The following NAV2 variants were observed in gnomAD, a reference collection of about 807,000 sequenced individuals.
The protein encoded by NAV2 is helicase, APC down-regulated 1.
Under a neutral mutation model 223.2 loss-of-function variants are expected in NAV2, and 54 were observed. The observed-to-expected ratio is 0.24, with a 90% confidence interval of 0.19 to 0.30. The LOEUF is 0.30. Ranked by LOEUF, NAV2 falls within the 10% of genes least tolerant of loss-of-function variation. The pLI is 1.00. For missense variants in NAV2, 2,806 were observed against 3,147.5 expected, an observed-to-expected ratio of 0.89 and a Z score of 2.60; for synonymous variants, 1,279 against 1,239.3, an observed-to-expected ratio of 1.03 and a Z score of -0.67.
At chr11:19,384,650 T>A (rs899875964) in intron 1 of NAV2, 17 of 152,408 alleles carry the variant, frequency 1.1e-4, no homozygotes, top group African/African-American at 3.8e-4. Flanking sequence ...CTGTCATGGA[T>A]AGGACCATGT....
chr11:19,862,484 C>G (rs1565450109), intron 3 of NAV2, among the ~76,000 whole-genome samples: 1 of 152,182 alleles, frequency 6.6e-6, no homozygotes, highest in East Asian at 1.9e-4. Flanking sequence ...AGTCACGGAG[C>G]CCCTCTTATG....
intron 1 of NAV2, among the ~76,000 whole-genome samples, chr11:19,613,370 C>T (rs1393249998): frequency 6.6e-6 from 1 of 152,168 alleles, no homozygotes; most frequent in Non-Finnish European, 1.5e-5. Flanking sequence ...TATTATCATT[C>T]TAAATATGCT....
At chr11:19,538,202 C>T (rs10500854) in intron 1 of NAV2, among the ~76,000 whole-genome samples, 17,714 of 152,210 alleles carry the variant, frequency 0.12, 1,152 homozygotes, top group African/African-American at 0.16. Flanking sequence ...GGTCCAATAA[C>T]GCAGCCAAGC....
At chr11:20,070,524 A>G (rs1564981688) in intron 22 of NAV2, among the ~76,000 whole-genome samples, 1 of 152,130 alleles carries the variant, frequency 6.6e-6, no homozygotes, top group African/African-American at 2.4e-5. Context: ...TTATTCCAGA[A>G]GAGTGTTTTG....
intron 1 of NAV2, among the ~76,000 whole-genome samples, chr11:19,718,110 G>T (rs1241406889): frequency 8.5e-6 from 1 of 117,068 alleles, no homozygotes; most frequent in African/African-American, 3.3e-5. Flanking sequence ...CACCTCCCCT[G>T]AATTACCTTC....
intron 1 of NAV2, among the ~76,000 whole-genome samples, chr11:19,671,989 C>A (rs1435794675): frequency 6.6e-6 from 1 of 152,186 alleles, no homozygotes; most frequent in Non-Finnish European, 1.5e-5. Flanking sequence ...CAGGCCATTA[C>A]AATAGTGATG....
chr11:19,628,275 T>A (rs1038467992), intron 1 of NAV2, among the ~76,000 whole-genome samples: 2 of 152,168 alleles, frequency 1.3e-5, no homozygotes, highest in African/African-American at 4.8e-5. Flanking sequence ...AGGGAGAATG[T>A]TCCTGGGTGA....
chr11:19,455,688 G>A (rs1306387905), intron 1 of NAV2, among the ~76,000 whole-genome samples: 1 of 152,198 alleles, frequency 6.6e-6, no homozygotes, highest in Non-Finnish European at 1.5e-5. Context: ...CCCAGAGCTA[G>A]GAAGTGGAGG....
chr11:19,728,728 G>A (rs1204919071), intron 1 of NAV2, among the ~76,000 whole-genome samples: 1 of 152,210 alleles, frequency 6.6e-6, no homozygotes, highest in Non-Finnish European at 1.5e-5. Context: ...GTTACATCTT[G>A]GGTGTGAGTA....
intron 1 of NAV2, among the ~76,000 whole-genome samples, chr11:19,594,203 G>A (rs773225526): frequency 6.6e-6 from 1 of 152,118 alleles, no homozygotes; most frequent in East Asian, 1.9e-4. Context: ...GGAGCTGAAA[G>A]TGAAGGCCAG....
At chr11:19,749,260 A>G (rs1019519052) in intron 1 of NAV2, among the ~76,000 whole-genome samples, 1 of 152,176 alleles carries the variant, frequency 6.6e-6, no homozygotes, top group Non-Finnish European at 1.5e-5. Context: ...TGCGCCTTCA[A>G]GATGCTGAAA....
chr11:19,429,096 G>A (rs918756008), intron 1 of NAV2, among the ~76,000 whole-genome samples: 2 of 152,226 alleles, frequency 1.3e-5, no homozygotes, highest in South Asian at 4.1e-4. Context: ...TAAGCCCTCT[G>A]TGAAGCCTTT....
rs1262490764 is a variant in NAV2 at position 19,774,957 on chromosome 11, A to G, written c.268-57527A>G. On this transcript the variant is annotated intron_variant, in intron 1 of 37. Transcript: ENST00000349880. ...AGATCGTAAATGTTGTGGCTATCCTAGAAAGTATAATGAACCTAATGATGT... is the reference window on the plus strand; with the variant it reads ...AGATCGTAAATGTTGTGGCTATCCTGGAAAGTATAATGAACCTAATGATGT... 2.0e-5 allele frequency among the ~76,000 whole-genome samples: 3 copies of G among 152,144 alleles called. No homozygotes were observed. The South Asian group carries it at 6.2e-4, about 32-fold the overall frequency.
intron 22 of NAV2, among the ~76,000 whole-genome samples, chr11:20,076,989 C>T (rs559415428): frequency 1.3e-5 from 2 of 151,968 alleles, no homozygotes; most frequent in African/African-American, 2.4e-5. Context: ...TTTTATTAAC[C>T]AGGATTATAA....
intron 35 of NAV2, among the ~76,000 whole-genome samples, chr11:20,106,171 A>G (rs2062031992): frequency 2.2e-4 from 2 of 9,280 alleles, no homozygotes; most frequent in Non-Finnish European, 1.2e-3. Flanking sequence ...ATATATATAT[A>G]TATATGTGTG....
intron 1 of NAV2, among the ~76,000 whole-genome samples, chr11:19,361,570 T>A (rs1252722511): frequency 1.3e-5 from 2 of 152,056 alleles, no homozygotes; most frequent in Non-Finnish European, 2.9e-5. Flanking sequence ...CCTCCCTGGA[T>A]GCCATCCACA....
chr11:19,635,169 G>A lies in NAV2; in HGVS notation c.76-197315G>A, dbSNP rs1046539522. Among the ~76,000 whole-genome samples the A allele has an allele frequency of 5.9e-5, 9 of 152,174 alleles. No individual in the cohort carries two copies. The South Asian group carries it at 6.2e-4, about 11-fold the overall frequency. ...CTTTTGGTGAATATATAGCAGTATC[G>A]CAGGAAGTGATATAAGATGTGGTTG... On this transcript the variant is annotated intron_variant, in intron 1 of 37. Transcript: ENST00000360655.
rs748287106 is a variant in NAV2 at position 19,949,096 on chromosome 11, C to T, written c.2645+16C>T. Reference sequence around the variant, plus strand: ...TTACAAGCGGGTAAGTACCCGGGGCCGCCCTTTCTCCCAGAGAGAAAGAGG... The same window carrying T: ...TTACAAGCGGGTAAGTACCCGGGGCTGCCCTTTCTCCCAGAGAGAAAGAGG... On this transcript the variant is annotated intron_variant, in intron 10 of 37. Transcript: ENST00000349880. The T allele has an allele frequency of 1.7e-5, 26 of 1,564,918 alleles. No individual in the cohort carries two copies. The highest frequency in any genetic ancestry group is 2.3e-5 in the East Asian group (1 of 44,264).
At chr11:19,533,264 T>C (rs1043351127) in intron 1 of NAV2, among the ~76,000 whole-genome samples, 3 of 152,100 alleles carry the variant, frequency 2.0e-5, no homozygotes, top group African/African-American at 7.2e-5. Flanking sequence ...AGGACTGTCC[T>C]GGGTATTGTG....
Sources: gnomAD v4.1 joint callset for allele counts (sites outside exome capture counted in the v4.1 genomes callset) on GRCh38, gnomAD v4.1.1 for gene constraint, MANE v1.5 for transcripts, NCBI Gene and HGNC (gene_info 2026-07-23, HGNC 2026-07-21) for gene names.